Variants in ABCC11 observed in about 807,000 individuals in gnomAD.
The protein encoded by ABCC11 is ATP binding cassette subfamily C member 11, also known as ATP-binding cassette sub-family C member 11.
ABCC11 carries 135 observed loss-of-function variants against 149.3 expected under a neutral mutation model. That is an observed-to-expected ratio of 0.90 (90% CI 0.79 to 1.04). The LOEUF is 1.04. Among genes scored for constraint, ABCC11 ranks in the 50% least tolerant of loss-of-function variants. The probability of loss-of-function intolerance (pLI) is 0.00; values close to 1 mark genes in which losing one functional copy is unlikely to be tolerated. For missense variants in ABCC11, 1,680 were observed against 1,722.1 expected, an observed-to-expected ratio of 0.98 and a Z score of 0.43; for synonymous variants, 665 against 671.4, an observed-to-expected ratio of 0.99 and a Z score of 0.15.
At position 48,175,210 on chromosome 16, in the gene ABCC11, G is replaced by T. The variant is rs1235580813; in HGVS notation, c.3698+48C>A. 3.8e-6 allele frequency: 6 copies of T among 1,579,474 alleles called. No individual in the cohort carries two copies. The Admixed American group carries it at 1.0e-4, about 27-fold the overall frequency. On this transcript the variant is annotated intron_variant, in intron 26 of 29. Transcript: ENST00000356608. ...ATAGGCAGCCCGGTGCTGGAATCCT[G>T]GTCCTGTGACCCACCTCCTGCAGGC...
rs182585400 is a variant in ABCC11, at chr16:48,198,106, A to C, written c.2217+35T>G. The C allele has an allele frequency of 2.5e-6, 4 of 1,614,162 alleles. No homozygotes were observed. The East Asian group carries it at 8.9e-5, about 36-fold the overall frequency. ...ACAGGCCCTGAGTACACGTGCGTCC[A>C]CCGTGGGTAGTGAGGGCAGTGGGGC... On this transcript the variant is annotated intron_variant, in intron 16 of 29. Coordinates refer to ENST00000356608, the MANE Select transcript of ABCC11 (RefSeq NM_001370497.1).
intron 2 of ABCC11, among the ~76,000 whole-genome samples, chr16:48,231,340 T>A (rs1970403767): frequency 6.6e-6 from 1 of 151,966 alleles, no homozygotes; most frequent in African/African-American, 2.4e-5. Flanking sequence ...TTATAATTGA[T>A]CTCATTGTGG....
chr16:48,208,783 A>G (rs555075396), intron 11 of ABCC11, among the ~76,000 whole-genome samples: 3 of 152,314 alleles, frequency 2.0e-5, no homozygotes, highest in African/African-American at 7.2e-5. Flanking sequence ...TATTCTATGC[A>G]GCAATCCTGG....
At chr16:48,183,449 C>A (rs533797417) in intron 23 of ABCC11, among the ~76,000 whole-genome samples, 1 of 152,322 alleles carries the variant, frequency 6.6e-6, no homozygotes, top group Admixed American at 6.5e-5. Flanking sequence ...ATCAGAATCT[C>A]CTACAGAACC....
rs200450927 is a variant in ABCC11, at chr16:48,184,480, G to C, written c.3218C>G (p.Pro1073Arg). The change falls in exon 23 of 30, where the codon CCC becomes CGC. Residue 1073 changes from proline to arginine, a missense_variant. Pro to Arg is a moderately radical substitution (Grantham distance 103). Transcript: ENST00000356608. ...GACAGCCATGACTTTAAAGGAGTAGGGGGTGGAGGAAATGCCAAAAGCCAC... is the reference window on the plus strand; with the variant it reads ...GACAGCCATGACTTTAAAGGAGTAGCGGGTGGAGGAAATGCCAAAAGCCAC... ...LFVAFGISST[P>R]YSFKVMAVNI... 1.1e-4 allele frequency: 172 copies of C among 1,614,092 alleles called. No individual in the cohort carries two copies. Among genetic ancestry groups the C allele is most frequent in the Non-Finnish European group, 1.4e-4 (169 of 1,180,040 alleles).
At chr16:48,193,821 G>T in intron 19 of ABCC11, 58 bp downstream of exon 19, 1 of 1,427,480 alleles carries the variant, frequency 7.0e-7, no homozygotes, top group Non-Finnish European at 9.8e-7. Flanking sequence ...GGAGCAAGAA[G>T]TCACCCCACC....
Position 48,216,216 on chromosome 16 carries a change from G to C in ABCC11, c.849C>G (p.Ile283Met), listed in dbSNP as rs763531556. 1 of 1,613,980 alleles carries C rather than the reference G, an allele frequency of 6.2e-7. No individual in the cohort carries two copies. Among genetic ancestry groups the C allele is most frequent in the Non-Finnish European group, 8.5e-7 (1 of 1,179,852 alleles). The change falls in exon 7 of 30, where the codon ATC becomes ATG. Residue 283 changes from isoleucine (I) to methionine (M), a missense_variant. Coordinates refer to ENST00000356608, the MANE Select transcript of ABCC11 (RefSeq NM_001370497.1). ...TGCAGATGACCAGCGATGCGCAGGT[G>C]ATCAGTACTAGGGGTCCATAGCACA... ...EGVCYGPLVLITCASLVICSI... is the reference protein window; with the variant it reads ...EGVCYGPLVLMTCASLVICSI...
intron 22 of ABCC11, 87 bp from the exon 23 acceptor site, chr16:48,184,713 A>T: frequency 7.3e-7 from 1 of 1,361,338 alleles, no homozygotes; most frequent in South Asian, 1.4e-5. Flanking sequence ...TGCTTCCTCC[A>T]GCATCCAGTT....
chr16:48,226,903 C>T (rs1327669749), intron 4 of ABCC11, among the ~76,000 whole-genome samples: 1 of 152,198 alleles, frequency 6.6e-6, no homozygotes, highest in Non-Finnish European at 1.5e-5. Context: ...ATTTCCAGAA[C>T]ACATTTGGAA....
Position 48,184,604 on chromosome 16 carries a change from G to A in ABCC11, c.3094C>T (p.Gln1032Ter). 2 of 1,614,162 alleles carry A rather than the reference G, an allele frequency of 1.2e-6. No individual in the cohort carries two copies. Among genetic ancestry groups the A allele is most frequent in the Non-Finnish European group, 1.7e-6 (2 of 1,180,008 alleles). The change falls in exon 23 of 30, where the codon CAG (glutamine) becomes TAG (stop). Residue 1032 changes from glutamine to a stop codon, truncating the protein, a stop_gained. Coordinates refer to ENST00000356608, the MANE Select transcript of ABCC11 (RefSeq NM_001370497.1). LOFTEE classifies it high-confidence loss of function. ...ISQFKRLTDA[Q>*]NNYLLLFLSS... ...AGAAACAACAGCAGGTAGTTATTCT[G>A]CGCATCAGTCAGCCTCTTAAACCTG...
intron 13 of ABCC11, 36 bp from the exon 14 acceptor site, chr16:48,203,336 C>A (rs747026521): frequency 2.6e-6 from 4 of 1,525,974 alleles, no homozygotes; most frequent in Middle Eastern, 1.7e-4. Flanking sequence ...CACAGGGGAC[C>A]AGCCCTCCCG....
At chr16:48,220,259 G>A (rs1157158275) in intron 6 of ABCC11, among the ~76,000 whole-genome samples, 1 of 152,144 alleles carries the variant, frequency 6.6e-6, no homozygotes. Context: ...TCCAAATTCA[G>A]GCCCCAGCAC....
In ABCC11 at chr16:48,216,260, T is replaced by C; in HGVS notation, c.805A>G (p.Asn269Asp). The C allele has an allele frequency of 1.2e-6, 2 of 1,613,496 alleles. No individual in the cohort carries two copies. Among genetic ancestry groups the C allele is most frequent in the Non-Finnish European group, 1.7e-6 (2 of 1,179,884 alleles). ...EAISFFTGDV[N>D]YLFEGVCYGP... Reference sequence around the variant, plus strand: ...TAGCACACCCCTTCAAACAGGTAGTTTACATCACCGGTGAAGAAGCTGATG... The same window carrying C: ...TAGCACACCCCTTCAAACAGGTAGTCTACATCACCGGTGAAGAAGCTGATG... Residue 269 changes from asparagine to aspartate, a missense_variant, in exon 7 of 30, where the codon AAC becomes GAC. Asn to Asp is a conservative substitution (Grantham distance 23). Transcript: ENST00000356608.
At chr16:48,183,019 C>A (rs1966541442) in intron 23 of ABCC11, among the ~76,000 whole-genome samples, 1 of 152,184 alleles carries the variant, frequency 6.6e-6, no homozygotes, top group African/African-American at 2.4e-5. Context: ...AATAAATGCT[C>A]AATGAATATT....
At chr16:48,204,464 G>A (rs1016041154) in intron 13 of ABCC11, among the ~76,000 whole-genome samples, 26 of 152,192 alleles carry the variant, frequency 1.7e-4, no homozygotes, top group African/African-American at 5.1e-4. Flanking sequence ...GCTTATTCAC[G>A]ATCGGTGACC....
At position 48,166,502 on chromosome 16, in the gene ABCC11, A is replaced by G. The variant is rs1965344963; in HGVS notation, c.*772T>C. ...TTCTGTATCTTTCTGTTACAAGACCAACAAACTCTTTTTTTTTTCCAAAGT... is the reference window on the plus strand; with the variant it reads ...TTCTGTATCTTTCTGTTACAAGACCGACAAACTCTTTTTTTTTTCCAAAGT... On this transcript the variant is annotated 3_prime_UTR_variant, in exon 30 of 30. Coordinates refer to ENST00000356608, the MANE Select transcript of ABCC11 (RefSeq NM_001370497.1). 6.6e-6 allele frequency among the ~76,000 whole-genome samples: 1 copy of G among 152,198 alleles called. No homozygotes were observed. Among genetic ancestry groups the G allele is most frequent in the Admixed American group, 6.5e-5 (1 of 15,274 alleles).
intron 4 of ABCC11, among the ~76,000 whole-genome samples, chr16:48,226,069 G>A (rs77568156): frequency 0.015 from 1,864 of 126,884 alleles, 41 homozygotes; most frequent in African/African-American, 0.059. Context: ...GTGTTTCCAG[G>A]TACATTATTA....
At chr16:48,238,602 G>C (rs1970793619) in intron 1 of ABCC11, among the ~76,000 whole-genome samples, 1 of 145,098 alleles carries the variant, frequency 6.9e-6, no homozygotes, top group South Asian at 2.1e-4. Flanking sequence ...AACAATTCAA[G>C]CAAAAAAAAA....
chr16:48,216,490 C>T (rs1434685650), intron 6 of ABCC11, among the ~76,000 whole-genome samples: 1 of 152,208 alleles, frequency 6.6e-6, no homozygotes, highest in Non-Finnish European at 1.5e-5. Flanking sequence ...TGAGCCTCAG[C>T]TTCTCCATCT....
Sources: gnomAD v4.1 joint callset for allele counts (sites outside exome capture counted in the v4.1 genomes callset) on GRCh38, gnomAD v4.1.1 for gene constraint, MANE v1.5 for transcripts, NCBI Gene and HGNC (gene_info 2026-07-23, HGNC 2026-07-21) for gene names.